TEX36: variants seen among roughly 807,000 people sequenced by gnomAD.
The protein encoded by TEX36 is testis expressed 36, also known as testis-expressed protein 36.
Under a neutral mutation model 13.6 loss-of-function variants are expected in TEX36, and 12 were observed. That is an observed-to-expected ratio of 0.88 (90% confidence interval 0.56 to 1.43). The LOEUF (loss-of-function observed/expected upper bound fraction) is 1.43. Among genes scored for constraint, TEX36 ranks in the 40% most tolerant of loss-of-function variants. The pLI is 0.00. For missense variants in TEX36, 224 were observed against 228.3 expected, an observed-to-expected ratio of 0.98 and a Z score of 0.12; for synonymous variants, 93 against 83.0, an observed-to-expected ratio of 1.12 and a Z score of -0.65.
intron 3 of TEX36, among the ~76,000 whole-genome samples, chr10:125,616,372 A>T: frequency 7.2e-6 from 1 of 138,874 alleles, no homozygotes; most frequent in East Asian, 2.1e-4. Context: ...TTTAATTGTG[A>T]TGTTAGGGTG....
chr10:125,601,267 G>A (rs901904396), intron 3 of TEX36, among the ~76,000 whole-genome samples: 10 of 152,180 alleles, frequency 6.6e-5, no homozygotes, highest in African/African-American at 1.2e-4. Context: ...TATAAGACAC[G>A]TATAGTATTA....
downstream of TEX36, among the ~76,000 whole-genome samples, chr10:125,655,187 G>A (rs559471483): frequency 6.6e-6 from 1 of 152,322 alleles, no homozygotes; most frequent in South Asian, 2.1e-4. Context: ...GCTCATGCCT[G>A]TAATCCCAGC....
At chr10:125,664,423 T>C (rs1400241504) in intron 1 of TEX36, among the ~76,000 whole-genome samples, 1 of 152,198 alleles carries the variant, frequency 6.6e-6, no homozygotes, top group Non-Finnish European at 1.5e-5. Context: ...TATACTATTT[T>C]CCATAGTGGC....
At chr10:125,678,934 G>T (rs1847351841) in intron 1 of TEX36, among the ~76,000 whole-genome samples, 1 of 152,146 alleles carries the variant, frequency 6.6e-6, no homozygotes, top group African/African-American at 2.4e-5. Flanking sequence ...CAGGCCCCAG[G>T]TGGAGTGCTC....
intron 3 of TEX36, among the ~76,000 whole-genome samples, chr10:125,632,951 C>T (rs956303171): frequency 6.6e-6 from 1 of 152,206 alleles, no homozygotes. Context: ...TATGAAACCC[C>T]GTCTCTACTG....
At chr10:125,579,031 T>G (rs1016544763) in intron 3 of TEX36, among the ~76,000 whole-genome samples, 1 of 152,222 alleles carries the variant, frequency 6.6e-6, no homozygotes, top group Non-Finnish European at 1.5e-5. Flanking sequence ...CCTCCCCAAC[T>G]CGTTACAGAA....
At chr10:125,663,191 C>T (rs900522302) in intron 1 of TEX36, among the ~76,000 whole-genome samples, 2 of 152,158 alleles carry the variant, frequency 1.3e-5, no homozygotes, top group East Asian at 1.9e-4. Flanking sequence ...ATAATACCTA[C>T]CTGATATGGT....
intron 3 of TEX36, among the ~76,000 whole-genome samples, chr10:125,584,821 T>C (rs1845924408): frequency 6.6e-6 from 1 of 152,172 alleles, no homozygotes; most frequent in Non-Finnish European, 1.5e-5. Context: ...GAAAATACAT[T>C]TCTGTCACGT....
At chr10:125,580,355 A>G (rs1845868635) in intron 3 of TEX36, among the ~76,000 whole-genome samples, 1 of 152,226 alleles carries the variant, frequency 6.6e-6, no homozygotes, top group South Asian at 2.1e-4. Context: ...CTTTTGTGGT[A>G]GTACCCTTTG....
chr10:125,613,465 G>A (rs1419733992), intron 3 of TEX36, among the ~76,000 whole-genome samples: 2 of 112,150 alleles, frequency 1.8e-5, no homozygotes, highest in Admixed American at 1.3e-4. Context: ...AGAGTGTGAT[G>A]TTCCCCTTCC....
chr10:125,667,084 T>C, intron 1 of TEX36: 1 of 1,141,862 alleles, frequency 8.8e-7, no homozygotes, highest in Non-Finnish European at 1.3e-6. Flanking sequence ...CAGGGAGCAC[T>C]TGTTAATGGC....
chr10:125,626,296 T>C (rs995328178), intron 3 of TEX36, among the ~76,000 whole-genome samples: 3 of 152,136 alleles, frequency 2.0e-5, no homozygotes, highest in African/African-American at 4.8e-5. Context: ...CGGCTCCCCA[T>C]TCAGCCTTCC....
At chr10:125,623,534 T>G (rs1275689502) in intron 3 of TEX36, among the ~76,000 whole-genome samples, 2 of 148,506 alleles carry the variant, frequency 1.3e-5, no homozygotes, top group Non-Finnish European at 3.0e-5. Context: ...ATGTGTAACA[T>G]GAAACTGACT....
At chr10:125,626,434 G>A (rs988172457) in intron 3 of TEX36, among the ~76,000 whole-genome samples, 11 of 152,228 alleles carry the variant, frequency 7.2e-5, no homozygotes, top group African/African-American at 1.7e-4. Context: ...TGTTTACAGA[G>A]CACTTTCATG....
chr10:125,594,977 C>G (rs1399095890), intron 3 of TEX36, among the ~76,000 whole-genome samples: 1 of 152,000 alleles, frequency 6.6e-6, no homozygotes, highest in Non-Finnish European at 1.5e-5. Context: ...AGAGAAGTCA[C>G]AATAAAAACT....
chr10:125,591,064 G>A (rs1172729602), intron 3 of TEX36, among the ~76,000 whole-genome samples: 1 of 152,114 alleles, frequency 6.6e-6, no homozygotes, highest in Non-Finnish European at 1.5e-5. Context: ...CAGTGATGAG[G>A]GTGGATCTGA....
chr10:125,681,498 G>A (rs1044331683), intron 1 of TEX36, among the ~76,000 whole-genome samples: 1 of 152,160 alleles, frequency 6.6e-6, no homozygotes, highest in South Asian at 2.1e-4. Flanking sequence ...TACTTTGGCT[G>A]CCAGGGAACT....
intron 3 of TEX36, among the ~76,000 whole-genome samples, chr10:125,603,414 C>T (rs1262384271): frequency 1.9e-4 from 29 of 152,060 alleles, no homozygotes; most frequent in Admixed American, 1.9e-3. Flanking sequence ...CCCCCATCTG[C>T]TCCGCCCGTT....
At chr10:125,580,306 C>T (rs1845868290) in intron 3 of TEX36, among the ~76,000 whole-genome samples, 1 of 152,142 alleles carries the variant, frequency 6.6e-6, no homozygotes, top group African/African-American at 2.4e-5. Context: ...TGTCAAGTGC[C>T]CTAAGGTGTG....
Sources: allele counts gnomAD v4.1 joint callset (sites outside exome capture counted in the v4.1 genomes callset), GRCh38; gene constraint gnomAD v4.1.1; transcripts MANE v1.5; gene names NCBI Gene and HGNC (gene_info 2026-07-23, HGNC 2026-07-21).